AGAP1: variants seen among roughly 807,000 people sequenced by gnomAD.
The protein encoded by AGAP1 is ArfGAP with GTPase domain, ankyrin repeat and PH domain 1.
AGAP1 carries 29 observed loss-of-function variants against 105.3 expected under a neutral mutation model. The observed-to-expected ratio is 0.28, with a 90% CI of 0.21 to 0.38. The LOEUF is 0.38. AGAP1 is among the 10% of genes least tolerant of loss of function. The pLI is 1.00. For synonymous variants in AGAP1, 509 were observed against 485.9 expected, an observed-to-expected ratio of 1.05 and a Z score of -0.63; for missense variants, 998 against 1,165.1, an observed-to-expected ratio of 0.86 and a Z score of 2.09.
chr2:235,783,520 C>T (rs1039268185), intron 6 of AGAP1: 2 of 358,352 alleles, frequency 5.6e-6, no homozygotes, highest in African/African-American at 4.4e-5. Flanking sequence ...TTGTGACGTC[C>T]CTGTCATCAC....
chr2:235,827,549 A>G (rs1426368387), intron 9 of AGAP1, among the ~76,000 whole-genome samples: 1 of 152,218 alleles, frequency 6.6e-6, no homozygotes, highest in African/African-American at 2.4e-5. Context: ...AGCCTTATCA[A>G]TGACTTTTAA....
At position 235,751,256 on chromosome 2, in the gene AGAP1, CT is replaced by C. The variant is rs1001892903; in HGVS notation, c.673+772del. On this transcript the variant is annotated intron_variant, in intron 6 of 17. Coordinates refer to ENST00000304032, the MANE Select transcript of AGAP1 (RefSeq NM_001037131.3). This position sits in a 1 kb window ranked among gnomAD's most constrained non-coding sequence, Gnocchi z 5.3. ...AAGGACTGATACTTCTAAAGCCAGTCTTTTCAAGTTGGAAGCTTGGGAGAGG... is the reference window on the plus strand; with the variant it reads ...AAGGACTGATACTTCTAAAGCCAGTCTTTCAAGTTGGAAGCTTGGGAGAGG... Among the ~76,000 whole-genome samples, 10 of 152,168 alleles carry C rather than the reference CT, an allele frequency of 6.6e-5. No homozygotes were observed. The highest frequency in any genetic ancestry group is 1.0e-4 in the Non-Finnish European group (7 of 68,024).
intron 1 of AGAP1, among the ~76,000 whole-genome samples, chr2:235,667,882 C>G (rs939851101): frequency 2.0e-5 from 3 of 148,372 alleles, no homozygotes; most frequent in African/African-American, 7.6e-5. Context: ...TCACTTGAAC[C>G]CAGGAGGTGG....
chr2:235,938,794 T>C (rs1433392829), intron 12 of AGAP1, among the ~76,000 whole-genome samples: 2 of 152,026 alleles, frequency 1.3e-5, no homozygotes, highest in African/African-American at 4.8e-5. Context: ...GAGAGGGGCC[T>C]GAAACCCACA....
intron 12 of AGAP1, among the ~76,000 whole-genome samples, chr2:235,948,503 A>G (rs1057165331): frequency 6.6e-6 from 1 of 152,218 alleles, no homozygotes; most frequent in Non-Finnish European, 1.5e-5. Flanking sequence ...TGTTTTAAAT[A>G]AAGTTATTTT....
At chr2:236,064,520 C>T (rs3768943) in intron 16 of AGAP1, among the ~76,000 whole-genome samples, 34,155 of 152,144 alleles carry the variant, frequency 0.22, 4,062 homozygotes, top group South Asian at 0.36. Context: ...CACTTGAACT[C>T]GGGAGGCGGA....
At chr2:235,630,839 TCTC>T (rs942171315) in intron 1 of AGAP1, among the ~76,000 whole-genome samples, 1 of 152,044 alleles carries the variant, frequency 6.6e-6, no homozygotes, top group African/African-American at 2.4e-5. Flanking sequence ...GTTTGTCATT[TCTC>T]CTCCTAATGA....
rs1349765423 is a variant in AGAP1, at chr2:236,046,400, GA to G, written c.1892-2658del. Among the ~76,000 whole-genome samples the G allele has an allele frequency of 1.3e-5, 2 of 152,194 alleles. No homozygotes were observed. Among genetic ancestry groups the G allele is most frequent in the Non-Finnish European group, 2.9e-5 (2 of 68,030 alleles). On this transcript the variant is annotated intron_variant, in intron 15 of 17. Coordinates refer to ENST00000304032, the MANE Select transcript of AGAP1 (RefSeq NM_001037131.3). This position sits in a 1 kb window ranked among gnomAD's most constrained non-coding sequence, Gnocchi z 5.2. ...CAGGAGCCCCTTGCACCCCAGTTGC[GA>G]TGCTGGTGAGGACGCCCATGGGAGC... is the stretch of plus-strand genomic sequence containing the variant.
chr2:235,730,790 GTT>G (rs914419113), intron 3 of AGAP1, among the ~76,000 whole-genome samples: 72 of 152,174 alleles, frequency 4.7e-4, no homozygotes, highest in African/African-American at 1.7e-3. Flanking sequence ...AAGCACCACT[GTT>G]TTGGTGGGTA....
At chr2:235,772,728 C>T (rs1438100278) in intron 6 of AGAP1, among the ~76,000 whole-genome samples, 1 of 152,226 alleles carries the variant, frequency 6.6e-6, no homozygotes, top group African/African-American at 2.4e-5. Flanking sequence ...TGTCACAGGA[C>T]TGAGCACAGC....
chr2:235,637,949 C>T (rs1329611949), intron 1 of AGAP1, among the ~76,000 whole-genome samples: 2 of 152,134 alleles, frequency 1.3e-5, no homozygotes, highest in Non-Finnish European at 2.9e-5. Flanking sequence ...CTCTTTGGGT[C>T]CTCAGTGGAT....
intron 9 of AGAP1, among the ~76,000 whole-genome samples, chr2:235,844,280 T>C (rs910488675): frequency 6.6e-6 from 1 of 152,136 alleles, no homozygotes; most frequent in African/African-American, 2.4e-5. Context: ...CAGGTACTTG[T>C]CATGAGTGGG....
intron 13 of AGAP1, among the ~76,000 whole-genome samples, chr2:235,987,705 T>C (rs1206996809): frequency 6.6e-6 from 1 of 152,220 alleles, no homozygotes; most frequent in Non-Finnish European, 1.5e-5. Flanking sequence ...TGGTAAGTTA[T>C]CTCTTTGTTC....
rs1960949753 is a variant in AGAP1 at position 235,842,258 on chromosome 2, C to T, written c.1050+34927C>T. Among the ~76,000 whole-genome samples, 1 of 152,206 alleles carries T rather than the reference C, an allele frequency of 6.6e-6. No individual in the cohort carries two copies. Among genetic ancestry groups the T allele is most frequent in the Non-Finnish European group, 1.5e-5 (1 of 68,040 alleles). On this transcript the variant is annotated intron_variant, in intron 9 of 17. Transcript: ENST00000304032. The surrounding 1 kb of genome is among the most constrained non-coding windows in gnomAD (Gnocchi z 5.3). ...CCGCGAATGTGGCTGGGGGGAAATT[C>T]ATTCGTATTTCCACTGACTTCGACT...
rs1953588049 is a variant in AGAP1 at position 235,753,031 on chromosome 2, C to G, written c.673+2543C>G. 6.6e-6 allele frequency among the ~76,000 whole-genome samples: 1 copy of G among 152,194 alleles called. No individual in the cohort carries two copies. Among genetic ancestry groups the G allele is most frequent in the African/African-American group, 2.4e-5 (1 of 41,448 alleles). On this transcript the variant is annotated intron_variant, in intron 6 of 17. Coordinates refer to ENST00000304032, the MANE Select transcript of AGAP1 (RefSeq NM_001037131.3). The surrounding 1 kb of genome is among the most constrained non-coding windows in gnomAD (Gnocchi z 4.5). Reference sequence around the variant, plus strand: ...TCGCCAGTCCCTTCCCATAAAGGCACTTAACCCATCACAGGGTTCCACCCT... The same window carrying G: ...TCGCCAGTCCCTTCCCATAAAGGCAGTTAACCCATCACAGGGTTCCACCCT...
At position 235,705,069 on chromosome 2, in the gene AGAP1, C is replaced by T. The variant is rs2675121; in HGVS notation, c.164-4110C>T. On this transcript the variant is annotated intron_variant, in intron 1 of 17. Transcript: ENST00000304032. This position sits in a 1 kb window ranked among gnomAD's most constrained non-coding sequence, Gnocchi z 4.9. ...TCTCGGCTCGCTGCAACCTCTACCT[C>T]CCGGGTTCAAGCACTTCTCCTGCCT... is the stretch of plus-strand genomic sequence containing the variant. 0.36 allele frequency among the ~76,000 whole-genome samples: 53,155 copies of T among 147,312 alleles called. 9,884 individuals carry two copies. The highest frequency in any genetic ancestry group is 0.45 in the South Asian group (2,034 of 4,558).
chr2:235,868,238 TG>T (rs1376761988), intron 9 of AGAP1, among the ~76,000 whole-genome samples: 3 of 152,256 alleles, frequency 2.0e-5, no homozygotes, highest in Non-Finnish European at 4.4e-5. Context: ...CTTGCATGGA[TG>T]TTTTTAAGCC....
rs149027053 is a variant in AGAP1 at position 235,976,858 on chromosome 2, A to G, written c.1645+8235A>G. On this transcript the variant is annotated intron_variant, in intron 13 of 17. Transcript: ENST00000304032. The surrounding 1 kb of genome is among the most constrained non-coding windows in gnomAD (Gnocchi z 4.5). ...ATTCCAAGGAGGAAAAAAGGAAAAA[A>G]TCTGAAAAGTCAAAACAAACTAAAT... is the stretch of plus-strand genomic sequence containing the variant. 7.2e-5 allele frequency among the ~76,000 whole-genome samples: 11 copies of G among 152,330 alleles called. No individual in the cohort carries two copies. In the East Asian group the frequency reaches 2.1e-3, roughly 29 times the overall value.
Position 235,968,579 on chromosome 2 carries a change from G to A in AGAP1, c.1601G>A (p.Ser534Asn), listed in dbSNP as rs1559707090. 1 of 1,598,348 alleles carries A rather than the reference G, an allele frequency of 6.3e-7. No individual in the cohort carries two copies. The highest frequency in any genetic ancestry group is 8.5e-7 in the Non-Finnish European group (1 of 1,176,280). ...AGAAAGAAGCACCGAAGGAAGAAAAGCACTAGCAACTTCAAAGCCGACGGC... is the reference window on the plus strand; with the variant it reads ...AGAAAGAAGCACCGAAGGAAGAAAAACACTAGCAACTTCAAAGCCGACGGC... Reference protein sequence around the residue: ...ANRKKHRRKKSTSNFKADGLS... With the variant: ...ANRKKHRRKKNTSNFKADGLS... Residue 534 changes from serine to asparagine, a missense_variant, in exon 13 of 18, where the codon AGC (serine) becomes AAC (asparagine). Physicochemically the swap from Ser to Asn is conservative, Grantham distance 46. This residue lies in a region of AGAP1 where 735 missense variants were observed against 833.4 expected (regional missense o/e 0.88). Transcript: ENST00000304032.
Sources: gnomAD v4.1 joint callset for allele counts (sites outside exome capture counted in the v4.1 genomes callset) on GRCh38, gnomAD v4.1.1 for gene constraint, gnomAD v4.1.1 regional missense constraint, Gnocchi (gnomAD v3.1) non-coding constraint, MANE v1.5 for transcripts, NCBI Gene and HGNC (gene_info 2026-07-23, HGNC 2026-07-21) for gene names.